The following CFAP77 variants were observed in gnomAD, a reference collection of about 807,000 sequenced individuals.
CFAP77 encodes the protein cilia and flagella associated protein 77.
Under a neutral mutation model 31.1 loss-of-function variants are expected in CFAP77, and 25 were observed. The observed-to-expected ratio is 0.80, with a 90% CI of 0.59 to 1.12. The LOEUF (loss-of-function observed/expected upper bound fraction) is 1.12, where lower values mean the gene tolerates loss of function less well. CFAP77 is among the 50% of genes most tolerant of loss of function. The pLI is 0.00. For missense variants in CFAP77, 377 were observed against 397.3 expected (o/e 0.95, Z 0.44); for synonymous variants, 151 against 159.9 (o/e 0.94, Z 0.42).
In CFAP77 at chr9:132,501,370, CTT is replaced by C. The variant is rs375248963; in HGVS notation, c.524+1772_524+1773del. On this transcript the variant is annotated intron_variant, in intron 3 of 5. Coordinates refer to ENST00000393216, the MANE Select transcript of CFAP77 (RefSeq NM_001282957.2). This position sits in a 1 kb window ranked among gnomAD's most constrained non-coding sequence, Gnocchi z 4.6. Reference sequence around the variant, plus strand: ...CTACAGACACCTTGAGTTCAAGACTCTTTGGGCCAGCTCAGGTTACATGACTA... The same window carrying C: ...CTACAGACACCTTGAGTTCAAGACTCTGGGCCAGCTCAGGTTACATGACTA... 1.3e-3 allele frequency among the ~76,000 whole-genome samples: 193 copies of C among 151,650 alleles called. 1 individual carries two copies. The highest frequency in any genetic ancestry group is 4.3e-3 in the African/African-American group (179 of 41,320).
At chr9:132,412,164 T>C (rs1850018657) in intron 1 of CFAP77, among the ~76,000 whole-genome samples, 1 of 152,030 alleles carries the variant, frequency 6.6e-6, no homozygotes, top group Non-Finnish European at 1.5e-5. Flanking sequence ...GGTCGGAAAA[T>C]GTACAGGAGG....
At position 132,495,568 on chromosome 9, in the gene CFAP77, TC is replaced by T. The variant is rs1851728115; in HGVS notation, c.196-3126del. On this transcript the variant is annotated intron_variant, in intron 1 of 5. Transcript: ENST00000393216. This position sits in a 1 kb window ranked among gnomAD's most constrained non-coding sequence, Gnocchi z 4.2. Reference sequence around the variant, plus strand: ...CACCCGCCTGAAACTCAGAGCCCCATCACTCTTGAGGAACATTGGGGTCTGG... The same window carrying T: ...CACCCGCCTGAAACTCAGAGCCCCATACTCTTGAGGAACATTGGGGTCTGG... 6.6e-6 allele frequency among the ~76,000 whole-genome samples: 1 copy of T among 152,088 alleles called. No homozygotes were observed. The highest frequency in any genetic ancestry group is 1.5e-5 in the Non-Finnish European group (1 of 68,014).
intron 5 of CFAP77, among the ~76,000 whole-genome samples, chr9:132,546,858 C>A (rs1039737574): frequency 6.6e-6 from 1 of 152,210 alleles, no homozygotes; most frequent in Non-Finnish European, 1.5e-5. Flanking sequence ...GTTTCCTCAG[C>A]TGACAATGAG....
chr9:132,414,816 T>C (rs182199181), intron 1 of CFAP77, among the ~76,000 whole-genome samples: 94 of 152,316 alleles, frequency 6.2e-4, no homozygotes, highest in African/African-American at 2.1e-3. Flanking sequence ...TCATTATCAT[T>C]ATCATCACGA....
At position 132,523,631 on chromosome 9, in the gene CFAP77, C is replaced by T. The variant is rs138015882; in HGVS notation, c.525-13970C>T. Among the ~76,000 whole-genome samples, 1,229 of 152,328 alleles carry T rather than the reference C, an allele frequency of 8.1e-3. 9 individuals carry two copies. The highest frequency in any genetic ancestry group is 0.013 in the Non-Finnish European group (862 of 68,044). The stretch of plus-strand genomic sequence containing the variant: ...AGGGGGGTCCGAGAACACCTGAGCC[C>T]TGACTGAGAGGCCTGTTCACACCTG... On this transcript the variant is annotated intron_variant, in intron 3 of 5. Coordinates refer to ENST00000393216, the MANE Select transcript of CFAP77 (RefSeq NM_001282957.2).
chr9:132,533,804 C>T (rs1478651234), intron 3 of CFAP77, among the ~76,000 whole-genome samples: 1 of 152,036 alleles, frequency 6.6e-6, no homozygotes, highest in Non-Finnish European at 1.5e-5. Flanking sequence ...TCACTCGAAC[C>T]CAGGAGGTGG....
chr9:132,410,606 A>G (rs1399979779), intron 1 of CFAP77, 140 bp downstream of exon 1: 2 of 706,932 alleles, frequency 2.8e-6, no homozygotes, highest in South Asian at 2.2e-5. Context: ...TGGTCCAGAC[A>G]GGCCTGGACC....
At chr9:132,415,611 GC>G (rs922883726) in intron 1 of CFAP77, among the ~76,000 whole-genome samples, 1 of 152,232 alleles carries the variant, frequency 6.6e-6, no homozygotes. Flanking sequence ...TGGCAGGAAG[GC>G]CGTTCCTCCA....
At chr9:132,445,963 G>A (rs150076001) in intron 1 of CFAP77, among the ~76,000 whole-genome samples, 3 of 152,086 alleles carry the variant, frequency 2.0e-5, no homozygotes, top group African/African-American at 7.2e-5. Context: ...TTAGGGGAGG[G>A]GGCTTCCAAC....
intron 1 of CFAP77, among the ~76,000 whole-genome samples, chr9:132,464,277 C>T (rs562983957): frequency 6.6e-6 from 1 of 152,138 alleles, no homozygotes; most frequent in Non-Finnish European, 1.5e-5. Flanking sequence ...GTCTCTGCCG[C>T]CTCCTCCCAG....
chr9:132,532,399 C>T (rs1052642597), intron 3 of CFAP77, among the ~76,000 whole-genome samples: 1 of 152,204 alleles, frequency 6.6e-6, no homozygotes, highest in Non-Finnish European at 1.5e-5. Context: ...GGCGATAGGG[C>T]AGGGTGAGGC....
chr9:132,491,577 C>T (rs898285407), intron 1 of CFAP77, among the ~76,000 whole-genome samples: 3 of 152,212 alleles, frequency 2.0e-5, no homozygotes, highest in African/African-American at 4.8e-5. Context: ...TTTTTACCTG[C>T]ACAGTCGTAG....
chr9:132,440,630 T>C (rs1850600366), intron 1 of CFAP77, among the ~76,000 whole-genome samples: 1 of 152,166 alleles, frequency 6.6e-6, no homozygotes, highest in East Asian at 1.9e-4. Flanking sequence ...ACAATGCCAT[T>C]GACTAGCTAT....
In CFAP77 at chr9:132,499,802, C is replaced by G. The variant is rs1401932892; in HGVS notation, c.524+202C>G. Among the ~76,000 whole-genome samples, 1 of 152,158 alleles carries G rather than the reference C, an allele frequency of 6.6e-6. No homozygotes were observed. Among genetic ancestry groups the G allele is most frequent in the Admixed American group, 6.5e-5 (1 of 15,288 alleles). On this transcript the variant is annotated intron_variant, in intron 3 of 5. Coordinates refer to ENST00000393216, the MANE Select transcript of CFAP77 (RefSeq NM_001282957.2). The surrounding 1 kb of genome is among the most constrained non-coding windows in gnomAD (Gnocchi z 5.4). ...GGTCCTGGCCTTATAGCAGGGTACC[C>G]TGTAGGGCTGTGCACAGGTCACCCA...
At chr9:132,532,917 G>A (rs1410280650) in intron 3 of CFAP77, among the ~76,000 whole-genome samples, 12 of 152,192 alleles carry the variant, frequency 7.9e-5, no homozygotes, top group Admixed American at 7.9e-4. Context: ...GCCAGATATG[G>A]TGGCGCACGC....
intron 1 of CFAP77, among the ~76,000 whole-genome samples, chr9:132,452,071 G>A (rs1406500697): frequency 6.6e-6 from 1 of 152,100 alleles, no homozygotes; most frequent in Admixed American, 6.5e-5. Flanking sequence ...CCAAAGTGCT[G>A]GGATTATAGG....
chr9:132,542,827 A>C, intron 4 of CFAP77, 119 bp from the exon 5 acceptor site: 1 of 702,138 alleles, frequency 1.4e-6, no homozygotes, highest in Admixed American at 2.0e-5. Context: ...GCCAGAAGGA[A>C]AGTGACCGAG....
At chr9:132,547,788 C>T (rs1852757631) in intron 5 of CFAP77, among the ~76,000 whole-genome samples, 1 of 152,216 alleles carries the variant, frequency 6.6e-6, no homozygotes, top group African/African-American at 2.4e-5. Flanking sequence ...ACAATAGCCC[C>T]ATTAAACATA....
intron 3 of CFAP77, among the ~76,000 whole-genome samples, chr9:132,509,331 G>A (rs1328009663): frequency 6.6e-6 from 1 of 152,200 alleles, no homozygotes; most frequent in Non-Finnish European, 1.5e-5. Flanking sequence ...GGAGGTGGAG[G>A]CACTGGCTGG....
Sources: gnomAD v4.1 joint callset for allele counts (sites outside exome capture counted in the v4.1 genomes callset) on GRCh38, gnomAD v4.1.1 for gene constraint, Gnocchi (gnomAD v3.1) non-coding constraint, MANE v1.5 for transcripts, NCBI Gene and HGNC (gene_info 2026-07-23, HGNC 2026-07-21) for gene names.